ARID4B: variants seen among roughly 807,000 people sequenced by gnomAD.
ARID4B encodes AT-rich interaction domain 4B.
In ARID4B, 26 loss-of-function variants were observed where a neutral mutation model predicts 147.5. That is an observed-to-expected ratio of 0.18 (90% CI 0.13 to 0.24). ARID4B has a LOEUF of 0.24. ARID4B is among the 10% of genes least tolerant of loss of function. The probability of loss-of-function intolerance (pLI) is 1.00; values close to 1 mark genes in which losing one functional copy is unlikely to be tolerated. For missense variants in ARID4B, 1,179 were observed against 1,511.5 expected (o/e 0.78, Z 3.65); for synonymous variants, 512 against 507.9 (o/e 1.01, Z -0.11).
chr1:235,217,925 T>TAC (rs1265672007), intron 16 of ARID4B, among the ~76,000 whole-genome samples: 1 of 152,206 alleles, frequency 6.6e-6, no homozygotes, highest in East Asian at 1.9e-4. Flanking sequence ...ACCTTATATA[T>TAC]ACTGTGTTTT....
chr1:235,308,677 G>A (rs1673769062), intron 2 of ARID4B, among the ~76,000 whole-genome samples: 1 of 152,200 alleles, frequency 6.6e-6, no homozygotes, highest in Non-Finnish European at 1.5e-5. Context: ...GGGCTTCGCT[G>A]TGTTGGCCGG....
chr1:235,236,862 A>ATTTTTTTT (rs869157061), intron 8 of ARID4B, among the ~76,000 whole-genome samples: 3 of 17,490 alleles, frequency 1.7e-4, no homozygotes, highest in African/African-American at 4.4e-4. Context: ...ATATATATAT[A>ATTTTTTTT]TTTTTTTTTT....
Position 235,172,736 on chromosome 1 carries a change from T to C in ARID4B, c.3693A>G (p.Glu1231=), listed in dbSNP as rs1206247842. 6.3e-7 allele frequency: 1 copy of C among 1,578,484 alleles called. No homozygotes were observed. The highest frequency in any genetic ancestry group is 8.6e-7 in the Non-Finnish European group (1 of 1,168,304). ...GTTTTTCTTGAAGAATTGTGATGCG[T>C]TCGGCACTTGTCATATTTTCCAGGT... ...MSDLENMTSA[E]RITILQEKLQ... is the part of the protein sequence containing the mutation. The change falls in exon 23 of 24, where the codon GAA becomes GAG. Residue 1231 remains glutamate, a synonymous_variant. Coordinates refer to ENST00000264183, the MANE Select transcript of ARID4B (RefSeq NM_016374.6).
At chr1:235,204,975 CA>C (rs1666214668) in intron 17 of ARID4B, among the ~76,000 whole-genome samples, 1 of 152,124 alleles carries the variant, frequency 6.6e-6, no homozygotes, top group Admixed American at 6.6e-5. Flanking sequence ...ATGGTTAACT[CA>C]AAAGCCACTC....
chr1:235,292,992 C>T (rs1427071023), intron 2 of ARID4B, among the ~76,000 whole-genome samples: 1 of 152,210 alleles, frequency 6.6e-6, no homozygotes, highest in African/African-American at 2.4e-5. Flanking sequence ...CTCCACAATA[C>T]ATTCCTCATT....
chr1:235,251,574 A>G (rs1195871870), intron 6 of ARID4B, among the ~76,000 whole-genome samples: 2 of 152,138 alleles, frequency 1.3e-5, no homozygotes, highest in Non-Finnish European at 2.9e-5. Context: ...TAGGTTAATA[A>G]GTAATATTAA....
chr1:235,304,760 C>T (rs1183372446), intron 2 of ARID4B, among the ~76,000 whole-genome samples: 5 of 152,164 alleles, frequency 3.3e-5, no homozygotes, highest in African/African-American at 1.2e-4. Context: ...CAAGCATATA[C>T]CTAGCAGATA....
chr1:235,294,713 C>A (rs11802296), intron 2 of ARID4B, among the ~76,000 whole-genome samples: 137 of 150,604 alleles, frequency 9.1e-4, no homozygotes, highest in African/African-American at 3.0e-3. Context: ...GGGGTTTCAC[C>A]ATGTTGGCCA....
intron 2 of ARID4B, among the ~76,000 whole-genome samples, chr1:235,306,679 A>T (rs1673592675): frequency 6.6e-6 from 1 of 152,006 alleles, no homozygotes; most frequent in African/African-American, 2.4e-5. Flanking sequence ...TTTAAGACAG[A>T]GTCTCTCCCT....
At position 235,265,834 on chromosome 1, in the gene ARID4B, C is replaced by G. The variant is rs558629567; in HGVS notation, c.7-5082G>C. Among the ~76,000 whole-genome samples the G allele has an allele frequency of 3.7e-4, 56 of 152,226 alleles. 1 individual carries two copies. Among genetic ancestry groups the G allele is most frequent in the African/African-American group, 1.3e-3 (55 of 41,526 alleles). ...TCAGCATACAATAACAGTTCTGTCA[C>G]AAGGATGAGGAGTAAGACGGTGCAC... On this transcript the variant is annotated intron_variant, in intron 2 of 23. Coordinates refer to ENST00000264183, the MANE Select transcript of ARID4B (RefSeq NM_016374.6).
chr1:235,174,933 G>C (rs1035801556), intron 22 of ARID4B, among the ~76,000 whole-genome samples: 5 of 151,996 alleles, frequency 3.3e-5, no homozygotes, highest in Non-Finnish European at 7.4e-5. Context: ...GTGAAACCCT[G>C]TCTCTACTAA....
intron 7 of ARID4B, among the ~76,000 whole-genome samples, chr1:235,241,301 TAA>T (rs1319097181): frequency 2.6e-5 from 4 of 152,174 alleles, no homozygotes; most frequent in African/African-American, 9.6e-5. Flanking sequence ...CCTACAAAGA[TAA>T]AAGTGTTTTT....
At chr1:235,250,134 AAAAT>A (rs1474332121) in intron 6 of ARID4B, among the ~76,000 whole-genome samples, 2 of 151,848 alleles carry the variant, frequency 1.3e-5, no homozygotes, top group African/African-American at 4.8e-5. Context: ...ATAATAAAAT[AAAAT>A]AAAAAGATAA....
At chr1:235,280,981 G>A (rs1043652616) in intron 2 of ARID4B, among the ~76,000 whole-genome samples, 2 of 151,642 alleles carry the variant, frequency 1.3e-5, no homozygotes, top group Non-Finnish European at 2.9e-5. Context: ...AGTAACTTCT[G>A]ATTATTATTT....
chr1:235,242,014 A>G (rs1669015437), intron 7 of ARID4B, among the ~76,000 whole-genome samples: 1 of 151,836 alleles, frequency 6.6e-6, no homozygotes, highest in South Asian at 2.1e-4. Flanking sequence ...TTGGGAGGCG[A>G]AGGCAGGTGG....
intron 17 of ARID4B, among the ~76,000 whole-genome samples, chr1:235,206,327 G>A (rs1666305800): frequency 6.6e-6 from 1 of 152,134 alleles, no homozygotes; most frequent in Non-Finnish European, 1.5e-5. Flanking sequence ...AGGGGGAGGA[G>A]AGTTGAAGGG....
intron 2 of ARID4B, among the ~76,000 whole-genome samples, chr1:235,297,905 G>A (rs1170419636): frequency 1.3e-5 from 2 of 152,172 alleles, no homozygotes; most frequent in African/African-American, 2.4e-5. Context: ...TCTTCCAACT[G>A]CAATATGAAG....
intron 2 of ARID4B, among the ~76,000 whole-genome samples, chr1:235,311,701 G>A (rs565118845): frequency 1.3e-5 from 2 of 151,950 alleles, no homozygotes; most frequent in South Asian, 2.1e-4. Context: ...TTGAACCCGG[G>A]AGGCAGAGGT....
At chr1:235,304,998 A>T (rs1179107743) in intron 2 of ARID4B, among the ~76,000 whole-genome samples, 1 of 152,250 alleles carries the variant, frequency 6.6e-6, no homozygotes, top group Non-Finnish European at 1.5e-5. Flanking sequence ...TCTCCAAAAC[A>T]TGTGAAAATG....
Sources: allele counts gnomAD v4.1 joint callset (sites outside exome capture counted in the v4.1 genomes callset), GRCh38; gene constraint gnomAD v4.1.1; transcripts MANE v1.5; gene names NCBI Gene and HGNC (gene_info 2026-07-23, HGNC 2026-07-21).